The following PDE4D variants were observed in gnomAD, a reference collection of about 807,000 sequenced individuals.
PDE4D encodes the protein phosphodiesterase 4D, also known as 3',5'-cyclic-AMP phosphodiesterase 4D.
A neutral mutation model predicts 87.4 loss-of-function variants in PDE4D; 24 were observed. That is an observed-to-expected ratio of 0.27 (90% CI 0.20 to 0.39). The LOEUF is 0.39. PDE4D is among the 10% of genes least tolerant of loss of function. The probability of loss-of-function intolerance (pLI) is 1.00; values close to 1 mark genes in which losing one functional copy is unlikely to be tolerated. For missense variants in PDE4D, 714 were observed against 1,041.0 expected (o/e 0.69, Z 4.32); for synonymous variants, 384 against 383.2 (o/e 1.00, Z -0.02).
At chr5:59,300,111 C>CA (rs58771016) in intron 1 of PDE4D, among the ~76,000 whole-genome samples, 3,798 of 48,724 alleles carry the variant, frequency 0.078, 459 homozygotes, top group African/African-American at 0.095. Context: ...GGGTCTGTCT[C>CA]AAAAAAAAAA....
intron 5 of PDE4D, among the ~76,000 whole-genome samples, chr5:59,046,258 G>A (rs542618858): frequency 6.6e-6 from 1 of 152,324 alleles, no homozygotes; most frequent in African/African-American, 2.4e-5. Context: ...CCAGTTGCTA[G>A]AGAGGGAATA....
At chr5:59,790,987 G>T (rs921196644) in intron 1 of PDE4D, among the ~76,000 whole-genome samples, 1 of 152,178 alleles carries the variant, frequency 6.6e-6, no homozygotes, top group Non-Finnish European at 1.5e-5. Context: ...AGGGAGGTGG[G>T]AGTGCACTGT....
At chr5:59,810,406 G>A (rs1258128736) in intron 1 of PDE4D, among the ~76,000 whole-genome samples, 1 of 152,246 alleles carries the variant, frequency 6.6e-6, no homozygotes, top group African/African-American at 2.4e-5. Context: ...GGTACTGTAA[G>A]TAAATGAATG....
intron 1 of PDE4D, among the ~76,000 whole-genome samples, chr5:59,837,927 T>C (rs1742382534): frequency 1.3e-5 from 2 of 152,120 alleles, no homozygotes. Context: ...TAGGTTCTAC[T>C]TTCAAGGATT....
chr5:59,183,574 G>A (rs1742185816), intron 4 of PDE4D, among the ~76,000 whole-genome samples: 2 of 152,122 alleles, frequency 1.3e-5, no homozygotes, highest in African/African-American at 4.8e-5. Flanking sequence ...GGTAAAATTC[G>A]AGACTAAAAA....
intron 1 of PDE4D, among the ~76,000 whole-genome samples, chr5:59,797,747 A>G (rs1261528612): frequency 2.0e-5 from 3 of 152,254 alleles, no homozygotes; most frequent in East Asian, 1.9e-4. Flanking sequence ...TCTGTTGTTT[A>G]AGCATACCCT....
At chr5:60,471,785 G>C (rs1747833355) in intron 1 of PDE4D, among the ~76,000 whole-genome samples, 1 of 152,258 alleles carries the variant, frequency 6.6e-6, no homozygotes, top group African/African-American at 2.4e-5. Flanking sequence ...CAGTATACTA[G>C]AAATGTAACT....
At chr5:59,700,009 C>G (rs1752335649) in intron 1 of PDE4D, among the ~76,000 whole-genome samples, 1 of 152,098 alleles carries the variant, frequency 6.6e-6, no homozygotes, top group African/African-American at 2.4e-5. Flanking sequence ...TATATTTAAT[C>G]TAATAGTGCA....
chr5:60,151,428 A>G (rs1781485839), intron 2 of PDE4D, among the ~76,000 whole-genome samples: 1 of 152,040 alleles, frequency 6.6e-6, no homozygotes, highest in Admixed American at 6.6e-5. Context: ...CATCTTCTTT[A>G]ATTTCTTTCA....
Position 59,845,630 on chromosome 5 carries a change from T to C in PDE4D, c.455+47538A>G, listed in dbSNP as rs530004871. Among the ~76,000 whole-genome samples the C allele has an allele frequency of 7.2e-5, 11 of 152,186 alleles. No homozygotes were observed. In the South Asian group the frequency reaches 2.3e-3, roughly 31 times the overall value. On this transcript the variant is annotated intron_variant, in intron 1 of 14. Coordinates refer to ENST00000340635, the MANE Select transcript of PDE4D (RefSeq NM_001104631.2). The stretch of plus-strand genomic sequence containing the variant: ...GTGGCTGGAACAAAAATACAGTAAA[T>C]TTACCATAATGTGTAACATTTAATG...
At chr5:60,175,005 T>C (rs1482444190) in intron 2 of PDE4D, among the ~76,000 whole-genome samples, 1 of 152,146 alleles carries the variant, frequency 6.6e-6, no homozygotes, top group African/African-American at 2.4e-5. Context: ...TCTTCAAACA[T>C]TTCTTCTGCC....
intron 1 of PDE4D, among the ~76,000 whole-genome samples, chr5:59,821,237 GCAA>G (rs71606606): frequency 0.36 from 53,140 of 148,808 alleles, 11,183 homozygotes; most frequent in Admixed American, 0.47. Flanking sequence ...TGTCTCAACA[GCAA>G]CAACAACAAC....
intron 1 of PDE4D, among the ~76,000 whole-genome samples, chr5:60,373,145 G>A (rs1032256797): frequency 4.6e-5 from 7 of 152,152 alleles, no homozygotes; most frequent in South Asian, 2.1e-4. Flanking sequence ...GGTGGCCCAC[G>A]GGCCATACCC....
intron 4 of PDE4D, among the ~76,000 whole-genome samples, chr5:59,184,634 TA>T (rs1215529123): frequency 6.6e-6 from 1 of 152,212 alleles, no homozygotes; most frequent in Non-Finnish European, 1.5e-5. Context: ...TTTATCTTTT[TA>T]GATTTTTTTG....
At chr5:60,149,009 T>G (rs945554221) in intron 2 of PDE4D, among the ~76,000 whole-genome samples, 2 of 152,224 alleles carry the variant, frequency 1.3e-5, no homozygotes, top group Admixed American at 1.3e-4. Context: ...AAATGTAGTG[T>G]TTCACCATAA....
intron 1 of PDE4D, among the ~76,000 whole-genome samples, chr5:59,367,923 G>A (rs991807139): frequency 6.6e-5 from 10 of 152,198 alleles, no homozygotes; most frequent in Admixed American, 5.2e-4. Flanking sequence ...AATCCACTTC[G>A]TGCCAGTCTG....
chr5:59,385,002 G>T (rs1786686619), intron 1 of PDE4D, among the ~76,000 whole-genome samples: 1 of 152,056 alleles, frequency 6.6e-6, no homozygotes, highest in African/African-American at 2.4e-5. Flanking sequence ...TTTGCTAGTA[G>T]TTAATAATTG....
intron 1 of PDE4D, among the ~76,000 whole-genome samples, chr5:59,641,261 A>G (rs373340878): frequency 6.6e-6 from 1 of 152,234 alleles, no homozygotes; most frequent in African/African-American, 2.4e-5. Flanking sequence ...AGTTTCATTG[A>G]GATGTAACTG....
chr5:60,241,512 G>T (rs1048012863), intron 1 of PDE4D, among the ~76,000 whole-genome samples: 3 of 152,018 alleles, frequency 2.0e-5, no homozygotes, highest in African/African-American at 7.2e-5. Flanking sequence ...GAACTCAGGT[G>T]ATCTGTCCGC....
Sources: allele counts gnomAD v4.1 joint callset (sites outside exome capture counted in the v4.1 genomes callset), GRCh38; gene constraint gnomAD v4.1.1; transcripts MANE v1.5; gene names NCBI Gene and HGNC (gene_info 2026-07-23, HGNC 2026-07-21).